The following TRPC6 variants were observed in gnomAD, a reference collection of about 807,000 sequenced individuals.
The protein encoded by TRPC6 is short transient receptor potential channel 6.
A neutral mutation model predicts 90.7 loss-of-function variants in TRPC6; 55 were observed. The ratio of observed to expected loss-of-function variants is 0.61; its 90% CI spans 0.49 to 0.76. The LOEUF (loss-of-function observed/expected upper bound fraction) is 0.76. Ranked by LOEUF, TRPC6 falls within the 30% of genes least tolerant of loss-of-function variation. The pLI is 0.00. For missense variants in TRPC6, 989 were observed against 1,122.7 expected (o/e 0.88, Z 1.70); for synonymous variants, 393 against 393.0 (o/e 1.00, Z 0.00).
chr11:101,549,214 A>T (rs1490312896), intron 1 of TRPC6, among the ~76,000 whole-genome samples: 1 of 152,016 alleles, frequency 6.6e-6, no homozygotes, highest in Non-Finnish European at 1.5e-5. Flanking sequence ...TTGTAAGTTG[A>T]ACAGAACTCA....
rs903534885 is a variant in TRPC6, at chr11:101,476,199, A to C, written c.1744+102T>G. 6.1e-6 allele frequency: 6 copies of C among 987,854 alleles called. No homozygotes were observed. In the African/African-American group the frequency reaches 9.8e-5, roughly 16 times the overall value. 61.2% of individuals were successfully genotyped at this position (987,854 alleles called of 1,614,324 possible). On this transcript the variant is annotated intron_variant, in intron 6 of 12. Transcript: ENST00000344327. ...TCAGATACAGATGTTGGAAACTCAC[A>C]AACAATTTTATGAGAATTGTGCAGT...
intron 9 of TRPC6, among the ~76,000 whole-genome samples, chr11:101,470,654 T>TCAC (rs1211319622): frequency 6.6e-6 from 1 of 152,160 alleles, no homozygotes; most frequent in African/African-American, 2.4e-5. Context: ...AAAGATTGCA[T>TCAC]CACCTTGTGG....
chr11:101,473,851 A>G (rs936933044), intron 6 of TRPC6, 78 bp from the exon 7 acceptor site: 1 of 1,595,454 alleles, frequency 6.3e-7, no homozygotes, highest in African/African-American at 1.3e-5. Flanking sequence ...TCTGCGAAAG[A>G]AATATAGTTA....
intron 11 of TRPC6, among the ~76,000 whole-genome samples, chr11:101,454,765 G>A (rs1165075703): frequency 6.6e-6 from 1 of 151,894 alleles, no homozygotes; most frequent in Non-Finnish European, 1.5e-5. Context: ...TTTTTGTAAG[G>A]TTTGCCTTTT....
intron 1 of TRPC6, among the ~76,000 whole-genome samples, chr11:101,523,889 T>G (rs1860716408): frequency 6.6e-6 from 1 of 152,228 alleles, no homozygotes; most frequent in Admixed American, 6.5e-5. Context: ...ATGTGAAATT[T>G]TCTGCTCTTT....
chr11:101,556,217 A>C (rs1361877665), intron 1 of TRPC6, among the ~76,000 whole-genome samples: 2 of 152,222 alleles, frequency 1.3e-5, no homozygotes, highest in Admixed American at 1.3e-4. Context: ...AATAAACATT[A>C]GAGCAGAAAT....
intron 9 of TRPC6, among the ~76,000 whole-genome samples, chr11:101,470,452 T>C (rs569179603): frequency 7.6e-4 from 116 of 152,272 alleles, no homozygotes; most frequent in African/African-American, 2.7e-3. Flanking sequence ...CCTCCTCCTC[T>C]GGATACACCT....
chr11:101,582,360 TA>T (rs1862216460), intron 1 of TRPC6, among the ~76,000 whole-genome samples: 1 of 152,122 alleles, frequency 6.6e-6, no homozygotes, highest in Non-Finnish European at 1.5e-5. Context: ...AAGCTGTTTA[TA>T]GAGCTGAGAA....
intron 1 of TRPC6, among the ~76,000 whole-genome samples, chr11:101,551,329 T>C (rs908492897): frequency 5.9e-5 from 9 of 152,142 alleles, no homozygotes; most frequent in Non-Finnish European, 1.2e-4. Flanking sequence ...GAATAAACAG[T>C]ATTGATGGCC....
intron 5 of TRPC6, among the ~76,000 whole-genome samples, chr11:101,478,348 G>GT (rs573698459): frequency 1.3e-5 from 2 of 152,078 alleles, no homozygotes; most frequent in Admixed American, 1.3e-4. Flanking sequence ...AAATACGGCA[G>GT]TTTTTTTCCC....
chr11:101,494,600 T>C (rs1565216353), intron 2 of TRPC6, among the ~76,000 whole-genome samples: 1 of 152,156 alleles, frequency 6.6e-6, no homozygotes, highest in Non-Finnish European at 1.5e-5. Flanking sequence ...AACAAAGTAA[T>C]TGTCAAAAGC....
chr11:101,469,460 T>A lies in TRPC6; in HGVS notation c.2451A>T (p.Glu817Asp). The A allele has an allele frequency of 2.6e-6, 2 of 772,476 alleles. No individual in the cohort carries two copies. The highest frequency in any genetic ancestry group is 2.7e-5 in the South Asian group (2 of 73,448). The allele number at this position is 772,476 out of a possible 1,614,324, so 47.9% of individuals were successfully genotyped here. ...TGTCAAGTGATAATTTTGAAAGGTC[T>A]TCATGACTTCCTAAAATTCCAAGTT... ...EKKLGILGSH[E>D]DLSKLSLDKK... Residue 817 changes from glutamate (E) to aspartate (D), a missense_variant, in exon 10 of 13, where the codon GAA (glutamate) becomes GAT (aspartate). Glu to Asp is a conservative substitution (Grantham distance 45, BLOSUM62 2). This residue lies in a region of TRPC6 where 191 missense variants were observed against 196.7 expected (regional missense o/e 0.97). Transcript: ENST00000344327.
At chr11:101,563,443 A>C (rs1255872602) in intron 1 of TRPC6, among the ~76,000 whole-genome samples, 1 of 152,148 alleles carries the variant, frequency 6.6e-6, no homozygotes, top group African/African-American at 2.4e-5. Flanking sequence ...TATGATAGAA[A>C]ACTGAAGCTT....
At chr11:101,512,303 A>G (rs1336026760) in intron 1 of TRPC6, among the ~76,000 whole-genome samples, 1 of 152,170 alleles carries the variant, frequency 6.6e-6, no homozygotes, top group Non-Finnish European at 1.5e-5. Flanking sequence ...TGTCACTTTC[A>G]GTTGGGAGCC....
intron 1 of TRPC6, among the ~76,000 whole-genome samples, chr11:101,549,853 A>G (rs1324826019): frequency 2.6e-5 from 4 of 151,568 alleles, no homozygotes; most frequent in African/African-American, 9.7e-5. Flanking sequence ...ATAAAGCAAT[A>G]CTTAGAAAAA....
Position 101,552,973 on chromosome 11 carries a change from C to T in TRPC6, c.170+30361G>A, listed in dbSNP as rs567971784. Among the ~76,000 whole-genome samples, 47 of 152,076 alleles carry T rather than the reference C, an allele frequency of 3.1e-4. 1 individual carries two copies. Among genetic ancestry groups the T allele is most frequent in the Admixed American group, 1.3e-3 (20 of 15,242 alleles). On this transcript the variant is annotated intron_variant, in intron 1 of 12. Transcript: ENST00000344327. ...AAATGTTTATTCTTTTATCAGATAA[C>T]GGCTGAGAAATATGTGGTATTTGGC...
At chr11:101,531,895 T>A (rs1420670986) in intron 1 of TRPC6, among the ~76,000 whole-genome samples, 1 of 152,150 alleles carries the variant, frequency 6.6e-6, no homozygotes, top group Non-Finnish European at 1.5e-5. Flanking sequence ...AAGCATTCTC[T>A]CCCTCTCCTA....
chr11:101,524,334 C>T (rs953427269), intron 1 of TRPC6, among the ~76,000 whole-genome samples: 1 of 152,164 alleles, frequency 6.6e-6, no homozygotes, highest in Non-Finnish European at 1.5e-5. Context: ...CTGCAAGCTC[C>T]ACCACCCAGG....
chr11:101,455,172 T>TC, intron 10 of TRPC6, 71 bp from the exon 11 acceptor site: 2 of 1,240,308 alleles, frequency 1.6e-6, no homozygotes, highest in Non-Finnish European at 2.4e-6. Context: ...TGAGATTAGT[T>TC]ATCTAATGAA....
Sources: allele counts gnomAD v4.1 joint callset (sites outside exome capture counted in the v4.1 genomes callset), GRCh38; gene constraint gnomAD v4.1.1; regional missense constraint gnomAD v4.1.1; transcripts MANE v1.5; gene names NCBI Gene and HGNC (gene_info 2026-07-23, HGNC 2026-07-21).